Variants in CDH12 observed in about 807,000 individuals in gnomAD.
The protein encoded by CDH12 is cadherin-12.
In CDH12, 41 loss-of-function variants were observed where a neutral mutation model predicts 74.1. The observed-to-expected ratio is 0.55, with a 90% CI of 0.43 to 0.72. The LOEUF is 0.72. Among genes scored for constraint, CDH12 ranks in the 30% least tolerant of loss-of-function variants. The pLI is 0.00. For missense variants in CDH12, 945 were observed against 977.2 expected (o/e 0.97, Z 0.44); for synonymous variants, 399 against 355.0 (o/e 1.12, Z -1.39).
chr5:22,166,994 T>A (rs928940270), intron 4 of CDH12, among the ~76,000 whole-genome samples: 5 of 152,204 alleles, frequency 3.3e-5, no homozygotes, highest in African/African-American at 1.2e-4. Context: ...TCAATTCCTA[T>A]GTTTTATATG....
chr5:22,257,594 G>A (rs567160333), intron 3 of CDH12, among the ~76,000 whole-genome samples: 1 of 151,882 alleles, frequency 6.6e-6, no homozygotes, highest in South Asian at 2.1e-4. Flanking sequence ...CTGCCTCCTG[G>A]GTTCAAGCAA....
intron 1 of CDH12, among the ~76,000 whole-genome samples, chr5:22,630,529 C>T (rs1738530949): frequency 6.6e-6 from 1 of 152,112 alleles, no homozygotes; most frequent in African/African-American, 2.4e-5. Flanking sequence ...TTGGCCAAAA[C>T]AAGCAACGGT....
intron 1 of CDH12, among the ~76,000 whole-genome samples, chr5:22,657,170 C>T (rs1740089122): frequency 6.6e-6 from 1 of 152,132 alleles, no homozygotes; most frequent in African/African-American, 2.4e-5. Flanking sequence ...ATGATGTTCT[C>T]AGGATTCTAT....
chr5:22,109,189 G>T (rs1454083442), intron 4 of CDH12, among the ~76,000 whole-genome samples: 2 of 152,144 alleles, frequency 1.3e-5, no homozygotes, highest in African/African-American at 2.4e-5. Flanking sequence ...TGCAAATGCG[G>T]TACTAACTGG....
chr5:22,667,181 T>C (rs1030212820), intron 1 of CDH12, among the ~76,000 whole-genome samples: 3 of 152,224 alleles, frequency 2.0e-5, no homozygotes, highest in Non-Finnish European at 4.4e-5. Flanking sequence ...TTCTTCTTTT[T>C]TCTTCTTTAA....
At chr5:22,440,981 T>C (rs1164288771) in intron 2 of CDH12, among the ~76,000 whole-genome samples, 1 of 152,160 alleles carries the variant, frequency 6.6e-6, no homozygotes, top group Non-Finnish European at 1.5e-5. Context: ...AACTACATAT[T>C]TGCAAGTCTT....
chr5:22,712,033 T>C (rs1561595349), intron 1 of CDH12, among the ~76,000 whole-genome samples: 1 of 152,044 alleles, frequency 6.6e-6, no homozygotes, highest in Admixed American at 6.6e-5. Context: ...TTTATGCACA[T>C]GTCTATTCCT....
chr5:22,555,701 C>T (rs954349856), intron 1 of CDH12, among the ~76,000 whole-genome samples: 1 of 151,900 alleles, frequency 6.6e-6, no homozygotes, highest in African/African-American at 2.4e-5. Context: ...GTGCTTTAGA[C>T]CTATTTTTCA....
At chr5:22,210,286 A>G (rs77343895) in intron 4 of CDH12, among the ~76,000 whole-genome samples, 8,424 of 115,650 alleles carry the variant, frequency 0.073, 630 homozygotes, top group African/African-American at 0.19. Flanking sequence ...ATGTTTTCCC[A>G]TCTTACAGAA....
At chr5:22,355,359 T>C (rs1454328443) in intron 3 of CDH12, among the ~76,000 whole-genome samples, 1 of 151,958 alleles carries the variant, frequency 6.6e-6, no homozygotes, top group Admixed American at 6.6e-5. Context: ...AATTGTCAAC[T>C]AGGAACAGTC....
intron 9 of CDH12, among the ~76,000 whole-genome samples, chr5:21,804,457 C>T (rs1245394886): frequency 6.6e-6 from 1 of 152,058 alleles, no homozygotes; most frequent in African/African-American, 2.4e-5. Context: ...ACTACAATTA[C>T]TGCCAAGGCA....
At chr5:22,764,086 T>A (rs1746373584) in intron 1 of CDH12, among the ~76,000 whole-genome samples, 1 of 151,838 alleles carries the variant, frequency 6.6e-6, no homozygotes, top group Non-Finnish European at 1.5e-5. Context: ...TTTTTACATT[T>A]GTTTTTAAAA....
intron 3 of CDH12, among the ~76,000 whole-genome samples, chr5:22,255,507 A>G (rs746396964): frequency 4.6e-5 from 7 of 151,788 alleles, no homozygotes; most frequent in Non-Finnish European, 8.8e-5. Context: ...TTATATACAG[A>G]TTGGAAGACT....
chr5:21,965,751 G>A lies in CDH12; in HGVS notation c.526+9340C>T, dbSNP rs1756552883. Among the ~76,000 whole-genome samples, 3 of 151,998 alleles carry A rather than the reference G, an allele frequency of 2.0e-5. No individual in the cohort carries two copies. In the South Asian group the frequency reaches 6.2e-4, roughly 32 times the overall value. On this transcript the variant is annotated intron_variant, in intron 6 of 14. Transcript: ENST00000382254. ...AATACTGGTGAGTTTTAAAAATTTT[G>A]CTTTCAGCAATTTTCCATTTTTTTC...
At chr5:22,076,054 A>T (rs756399123) in intron 5 of CDH12, among the ~76,000 whole-genome samples, 1 of 152,098 alleles carries the variant, frequency 6.6e-6, no homozygotes, top group Non-Finnish European at 1.5e-5. Context: ...TAGTTTCCTG[A>T]TGGAAAAGAA....
intron 3 of CDH12, among the ~76,000 whole-genome samples, chr5:22,285,128 G>C (rs866751567): frequency 6.6e-6 from 1 of 152,144 alleles, no homozygotes; most frequent in Admixed American, 6.5e-5. Context: ...TTTACTCAAA[G>C]TGGGATAGGG....
intron 7 of CDH12, among the ~76,000 whole-genome samples, chr5:21,853,184 T>C (rs1304154036): frequency 1.3e-5 from 2 of 151,562 alleles, no homozygotes; most frequent in Non-Finnish European, 3.0e-5. Flanking sequence ...CTAAACATTT[T>C]CTTATCTTTA....
chr5:22,056,838 G>A (rs1740775170), intron 5 of CDH12, among the ~76,000 whole-genome samples: 1 of 152,254 alleles, frequency 6.6e-6, no homozygotes, highest in East Asian at 1.9e-4. Flanking sequence ...CTTTACAGAT[G>A]AGGATATTGA....
At chr5:22,305,251 C>G (rs1738055098) in intron 3 of CDH12, among the ~76,000 whole-genome samples, 1 of 152,142 alleles carries the variant, frequency 6.6e-6, no homozygotes, top group South Asian at 2.1e-4. Context: ...ACTGTTCCCT[C>G]CAATACAGTA....
Sources: allele counts gnomAD v4.1 joint callset (sites outside exome capture counted in the v4.1 genomes callset), GRCh38; gene constraint gnomAD v4.1.1; transcripts MANE v1.5; gene names NCBI Gene and HGNC (gene_info 2026-07-23, HGNC 2026-07-21).